Variants in NEGR1 observed in about 807,000 individuals in gnomAD.
NEGR1 encodes IgLON family member 4.
Under a neutral mutation model 40.9 loss-of-function variants are expected in NEGR1, and 10 were observed. The ratio of observed to expected loss-of-function variants is 0.24; its 90% CI spans 0.15 to 0.42. The LOEUF (loss-of-function observed/expected upper bound fraction) is 0.42. Among genes scored for constraint, NEGR1 ranks in the 10% least tolerant of loss-of-function variants. NEGR1 has a pLI of 1.00. For synonymous variants in NEGR1, 185 were observed against 166.8 expected, an observed-to-expected ratio of 1.11 and a Z score of -0.84; for missense variants, 352 against 438.9, an observed-to-expected ratio of 0.80 and a Z score of 1.77.
At chr1:71,612,754 T>C (rs911108532) in intron 4 of NEGR1, among the ~76,000 whole-genome samples, 4 of 152,158 alleles carry the variant, frequency 2.6e-5, no homozygotes, top group Non-Finnish European at 5.9e-5. Context: ...GAGTTAGCTA[T>C]GTGGATATTT....
chr1:71,604,435 G>T (rs1189899411), intron 5 of NEGR1, among the ~76,000 whole-genome samples: 1 of 151,984 alleles, frequency 6.6e-6, no homozygotes, highest in Non-Finnish European at 1.5e-5. Context: ...AAGGGGAGAA[G>T]ACCCACCCTC....
intron 1 of NEGR1, among the ~76,000 whole-genome samples, chr1:72,255,547 CTTTTTT>C (rs35452808): frequency 1.6e-5 from 2 of 125,354 alleles, no homozygotes; most frequent in African/African-American, 2.8e-5. Flanking sequence ...AAAAATACTT[CTTTTTT>C]TTTTTTTTTT....
intron 6 of NEGR1, among the ~76,000 whole-genome samples, chr1:71,582,031 A>G (rs373399293): frequency 5.4e-4 from 83 of 152,324 alleles, no homozygotes; most frequent in African/African-American, 1.7e-3. Flanking sequence ...TCAGTTAAAT[A>G]TTTAACAATT....
chr1:71,795,437 T>C (rs1657288855), intron 2 of NEGR1, among the ~76,000 whole-genome samples: 1 of 152,078 alleles, frequency 6.6e-6, no homozygotes, highest in Admixed American at 6.6e-5. Context: ...CCATCTGAGA[T>C]GTTCTCAAAA....
At chr1:71,701,594 A>G (rs1331578651) in intron 3 of NEGR1, among the ~76,000 whole-genome samples, 1 of 151,988 alleles carries the variant, frequency 6.6e-6, no homozygotes, top group Non-Finnish European at 1.5e-5. Flanking sequence ...TCCTAACCTT[A>G]ATCACATCTG....
intron 6 of NEGR1, among the ~76,000 whole-genome samples, chr1:71,465,584 C>G (rs1413483468): frequency 6.6e-6 from 1 of 152,000 alleles, no homozygotes; most frequent in Non-Finnish European, 1.5e-5. Context: ...TCTCCATGAA[C>G]CCATTAAGTT....
chr1:71,597,460 CTCTCTCTCTCTCTG>C (rs1228203326), intron 5 of NEGR1, among the ~76,000 whole-genome samples: 3 of 64,788 alleles, frequency 4.6e-5, no homozygotes, highest in African/African-American at 1.7e-4. Context: ...CTCTCTCTCT[CTCTCTCTCTCTCTG>C]TGTGTGTGTG....
chr1:71,413,040 GA>G (rs1646333452), intron 6 of NEGR1, among the ~76,000 whole-genome samples: 1 of 1,610 alleles, frequency 6.2e-4, no homozygotes, highest in Non-Finnish European at 0.029. Context: ...ATGGACTGTA[GA>G]GCTGGATGAC....
intron 2 of NEGR1, among the ~76,000 whole-genome samples, chr1:71,911,430 T>G (rs866739430): frequency 1.3e-5 from 2 of 152,176 alleles, no homozygotes; most frequent in South Asian, 2.1e-4. Context: ...GCATTTTAAT[T>G]TTATTTTCTC....
At chr1:71,410,068 T>C (rs543279749) in intron 6 of NEGR1, among the ~76,000 whole-genome samples, 1 of 152,094 alleles carries the variant, frequency 6.6e-6, no homozygotes, top group Admixed American at 6.6e-5. Context: ...TTAACAAAGA[T>C]ATTACCAATA....
At chr1:72,121,775 G>A (rs1031639520) in intron 1 of NEGR1, among the ~76,000 whole-genome samples, 13 of 151,756 alleles carry the variant, frequency 8.6e-5, no homozygotes, top group Admixed American at 3.9e-4. Flanking sequence ...AAATAGAGTC[G>A]ATATACATAA....
At chr1:72,197,665 T>G (rs1283271109) in intron 1 of NEGR1, among the ~76,000 whole-genome samples, 2 of 151,986 alleles carry the variant, frequency 1.3e-5, no homozygotes, top group African/African-American at 4.8e-5. Flanking sequence ...GTTTCTCCAT[T>G]TTCATCTGCA....
At chr1:71,847,439 T>C (rs1037116066) in intron 2 of NEGR1, among the ~76,000 whole-genome samples, 15 of 152,180 alleles carry the variant, frequency 9.9e-5, no homozygotes, top group Non-Finnish European at 1.9e-4. Context: ...TCATTTCATG[T>C]CTCTGTGTCC....
At chr1:71,881,728 A>AT (rs1212600016) in intron 2 of NEGR1, among the ~76,000 whole-genome samples, 1 of 152,040 alleles carries the variant, frequency 6.6e-6, no homozygotes, top group Non-Finnish European at 1.5e-5. Context: ...ACTTTCCCCT[A>AT]TTGTAATCAT....
At chr1:71,722,644 T>C (rs916857741) in intron 3 of NEGR1, among the ~76,000 whole-genome samples, 42 of 152,138 alleles carry the variant, frequency 2.8e-4, no homozygotes, top group Admixed American at 2.8e-3. Context: ...CTTTTTAACA[T>C]TGCTTTATTT....
At chr1:72,035,031 G>T (rs1403082226) in intron 1 of NEGR1, among the ~76,000 whole-genome samples, 1 of 152,044 alleles carries the variant, frequency 6.6e-6, no homozygotes, top group Non-Finnish European at 1.5e-5. Flanking sequence ...CAGGCATTAT[G>T]GCCACGCCTG....
At chr1:72,260,763 T>C (rs1655427282) in intron 1 of NEGR1, among the ~76,000 whole-genome samples, 1 of 152,152 alleles carries the variant, frequency 6.6e-6, no homozygotes, top group South Asian at 2.1e-4. Flanking sequence ...AAATTCACAC[T>C]TGATTCAGTA....
chr1:71,879,004 A>G lies in NEGR1; in HGVS notation c.409+56075T>C, dbSNP rs566230247. 2.0e-5 allele frequency among the ~76,000 whole-genome samples: 3 copies of G among 152,164 alleles called. No homozygotes were observed. The South Asian group carries it at 6.2e-4, about 32-fold the overall frequency. ...TAAAATTAGCCAGGGGTGGTGGTGC[A>G]TGCCTGTAATCTCAGCTACTCAGAA... On this transcript the variant is annotated intron_variant, in intron 2 of 6. Transcript: ENST00000357731.
At chr1:71,577,208 T>C (rs190025118) in intron 6 of NEGR1, among the ~76,000 whole-genome samples, 2 of 152,344 alleles carry the variant, frequency 1.3e-5, no homozygotes, top group East Asian at 1.9e-4. Context: ...CCTGCCTTTT[T>C]GGTGGAGGGT....
Sources: gnomAD v4.1 joint callset for allele counts (sites outside exome capture counted in the v4.1 genomes callset) on GRCh38, gnomAD v4.1.1 for gene constraint, MANE v1.5 for transcripts, NCBI Gene and HGNC (gene_info 2026-07-23, HGNC 2026-07-21) for gene names.